Variants in UNC5D observed in about 807,000 individuals in gnomAD.
UNC5D encodes the protein unc-5 netrin receptor D, also known as netrin receptor UNC5D.
UNC5D carries 39 observed loss-of-function variants against 105.4 expected under a neutral mutation model. That is an observed-to-expected ratio of 0.37 (90% CI 0.29 to 0.48). The LOEUF (loss-of-function observed/expected upper bound fraction) is 0.48, where lower values mean the gene tolerates loss of function less well. Among genes scored for constraint, UNC5D ranks in the 20% least tolerant of loss-of-function variants. The pLI is 0.98. For synonymous variants in UNC5D, 452 were observed against 450.4 expected, an observed-to-expected ratio of 1.00 and a Z score of -0.04; for missense variants, 991 against 1,202.4, an observed-to-expected ratio of 0.82 and a Z score of 2.60.
chr8:35,586,280 G>T lies in UNC5D; in HGVS notation c.467-9274G>T, dbSNP rs199564162. On this transcript the variant is annotated intron_variant, in intron 3 of 16. Transcript: ENST00000404895. ...CAAAGTGAGACTCAAGAAAAGAAAA[G>T]AAATGTGCATAATACATAGATCTAA... Among the ~76,000 whole-genome samples the T allele has an allele frequency of 1.3e-4, 20 of 152,250 alleles. 1 individual carries two copies. In the East Asian group the frequency reaches 2.7e-3, roughly 21 times the overall value.
chr8:35,536,912 CT>C (rs1814886006), intron 1 of UNC5D, among the ~76,000 whole-genome samples: 1 of 152,132 alleles, frequency 6.6e-6, no homozygotes. Flanking sequence ...AGGAGAATCA[CT>C]TGAACAGGGG....
chr8:35,430,092 C>T (rs920560767), intron 1 of UNC5D, among the ~76,000 whole-genome samples: 1 of 152,096 alleles, frequency 6.6e-6, no homozygotes, highest in African/African-American at 2.4e-5. Flanking sequence ...TCCTAAGTAG[C>T]TCCAGGATGG....
intron 1 of UNC5D, among the ~76,000 whole-genome samples, chr8:35,509,698 G>T (rs192689920): frequency 1.3e-5 from 2 of 150,880 alleles, no homozygotes; most frequent in African/African-American, 4.9e-5. Context: ...TCAGATATTC[G>T]TGGGTTTTTC....
intron 14 of UNC5D, 106 bp from the exon 15 acceptor site, chr8:35,766,796 G>T (rs886913626): frequency 2.3e-6 from 3 of 1,304,144 alleles, no homozygotes; most frequent in Non-Finnish European, 3.1e-6. Context: ...CCTCATCGTT[G>T]TTGTTGTCGT....
Position 35,748,588 on chromosome 8 carries a change from A to G in UNC5D, c.1828A>G (p.Met610Val), listed in dbSNP as rs1830114512. 6.2e-7 allele frequency: 1 copy of G among 1,614,010 alleles called. No individual in the cohort carries two copies. The highest frequency in any genetic ancestry group is 1.7e-5 in the Admixed American group (1 of 60,008). ...SPEVTCGPPDMIVTTPFALTI... is the reference protein window; with the variant it reads ...SPEVTCGPPDVIVTTPFALTI... ...TGAAGTCACCTGTGGTCCTCCAGAC[A>G]TGATCGTCACCACTCCCTTTGCATT... Residue 610 changes from methionine (M) to valine (V), a missense_variant, in exon 12 of 17, where the codon ATG (methionine) becomes GTG (valine). Physicochemically the swap from Met to Val is conservative, Grantham distance 21. This residue lies in a region of UNC5D where 944 missense variants were observed against 1,131.6 expected (regional missense o/e 0.83). Coordinates refer to ENST00000404895, the MANE Select transcript of UNC5D (RefSeq NM_080872.4).
At chr8:35,252,938 T>A (rs930868722) in intron 1 of UNC5D, among the ~76,000 whole-genome samples, 3 of 152,222 alleles carry the variant, frequency 2.0e-5, no homozygotes, top group African/African-American at 4.8e-5. Context: ...ATTATCTCTG[T>A]AGGGAGTTGA....
chr8:35,683,682 A>G lies in UNC5D; in HGVS notation c.706A>G (p.Ile236Val), dbSNP rs757139684. Residue 236 changes from isoleucine to valine, a missense_variant, in exon 5 of 17, where the codon ATC becomes GTC. By Grantham distance (29) the Ile-to-Val change is conservative. Around this residue, in one of 3 missense-constraint regions of UNC5D, gnomAD observed 944 missense variants for 1,131.6 expected, o/e 0.83. Coordinates refer to ENST00000404895, the MANE Select transcript of UNC5D (RefSeq NM_080872.4). ...AAATTACACCTGCATGGCAGCCAAC[A>G]TCGTGGCTAAGAGGAGAAGCCTGTC... ...SGNYTCMAAN[I>V]VAKRRSLSAT... 1.2e-5 allele frequency: 18 copies of G among 1,560,130 alleles called. 1 individual carries two copies. Among genetic ancestry groups the G allele is most frequent in the African/African-American group, 9.8e-5 (7 of 71,128 alleles).
At chr8:35,382,439 C>T (rs1024022736) in intron 1 of UNC5D, among the ~76,000 whole-genome samples, 4 of 152,292 alleles carry the variant, frequency 2.6e-5, no homozygotes, top group African/African-American at 9.6e-5. Flanking sequence ...TCTTTAACTT[C>T]CACATCTGTG....
chr8:35,698,499 G>A (rs2131408039), intron 7 of UNC5D, among the ~76,000 whole-genome samples: 1 of 151,978 alleles, frequency 6.6e-6, no homozygotes, highest in East Asian at 1.9e-4. Context: ...CCTCATATAA[G>A]TGAAATCAAA....
intron 8 of UNC5D, among the ~76,000 whole-genome samples, chr8:35,710,498 C>A (rs566641851): frequency 6.6e-6 from 1 of 151,948 alleles, no homozygotes; most frequent in Non-Finnish European, 1.5e-5. Context: ...AGTAGACAGC[C>A]GACGTTGGCC....
rs200325520 is a variant in UNC5D at position 35,588,701 on chromosome 8, TGAA to T, written c.467-6848_467-6846del. On this transcript the variant is annotated intron_variant, in intron 3 of 16. Transcript: ENST00000404895. ...AGTGGGAGTCAACAGCGGGAGTGAG[TGAA>T]GAAGGCTATTGCACTTCTACACAAC... Among the ~76,000 whole-genome samples the T allele has an allele frequency of 6.2e-3, 941 of 152,054 alleles. 4 individuals carry two copies. The highest frequency in any genetic ancestry group is 0.022 in the African/African-American group (907 of 41,494).
At chr8:35,623,167 C>T (rs760533499) in intron 4 of UNC5D, among the ~76,000 whole-genome samples, 74 of 152,026 alleles carry the variant, frequency 4.9e-4, no homozygotes, top group Non-Finnish European at 9.4e-4. Flanking sequence ...TCTCCCTGTC[C>T]GATCTGATAG....
chr8:35,652,294 A>C (rs1460778759), intron 4 of UNC5D, among the ~76,000 whole-genome samples: 1 of 152,228 alleles, frequency 6.6e-6, no homozygotes, highest in East Asian at 1.9e-4. Flanking sequence ...ATTGCTTTTC[A>C]AAGTCATCTA....
At chr8:35,619,387 GT>G (rs1361866685) in intron 4 of UNC5D, among the ~76,000 whole-genome samples, 1 of 152,182 alleles carries the variant, frequency 6.6e-6, no homozygotes, top group Non-Finnish European at 1.5e-5. Context: ...AGTTCAATTA[GT>G]TTCATTTTGA....
chr8:35,398,530 TAAAAA>T (rs909600799), intron 1 of UNC5D, among the ~76,000 whole-genome samples: 1 of 145,172 alleles, frequency 6.9e-6, no homozygotes. Context: ...AAGCAGACAT[TAAAAA>T]AAAAAAAGTG....
intron 4 of UNC5D, among the ~76,000 whole-genome samples, chr8:35,670,259 G>A (rs180868836): frequency 2.6e-4 from 39 of 152,214 alleles, no homozygotes; most frequent in African/African-American, 7.9e-4. Context: ...GAGCCACTTC[G>A]GTGATTTGAT....
Position 35,748,529 on chromosome 8 carries a change from TC to T in UNC5D, c.1771del (p.Gln591SerfsTer9). ...YMSINQGEPS[L>X]QSDGSEVLLS... ...CTATCCTTTTTTCAACTGTGAAGCC[TC>T]CAGTCAGATGGCTCTGAGGTGCTCC... On this transcript the variant is annotated frameshift_variant, in exon 12 of 17. Coordinates refer to ENST00000404895, the MANE Select transcript of UNC5D (RefSeq NM_080872.4). LOFTEE classifies it high-confidence loss of function. The T allele has an allele frequency of 6.2e-7, 1 of 1,612,276 alleles. No homozygotes were observed. Among genetic ancestry groups the T allele is most frequent in the Non-Finnish European group, 8.5e-7 (1 of 1,179,412 alleles).
chr8:35,659,766 A>G (rs1823999914), intron 4 of UNC5D, among the ~76,000 whole-genome samples: 2 of 152,298 alleles, frequency 1.3e-5, no homozygotes, highest in Non-Finnish European at 2.9e-5. Flanking sequence ...TGCTGATGTC[A>G]TTGCTGGAAC....
chr8:35,593,206 ATAACT>A (rs1225390286), intron 3 of UNC5D, among the ~76,000 whole-genome samples: 2 of 152,336 alleles, frequency 1.3e-5, no homozygotes, highest in Middle Eastern at 6.8e-3. Context: ...TTTTCACCTG[ATAACT>A]TAGTTAATGT....
Sources: gnomAD v4.1 joint callset for allele counts (sites outside exome capture counted in the v4.1 genomes callset) on GRCh38, gnomAD v4.1.1 for gene constraint, gnomAD v4.1.1 regional missense constraint, MANE v1.5 for transcripts, NCBI Gene and HGNC (gene_info 2026-07-23, HGNC 2026-07-21) for gene names.